The following GLMN variants were observed in gnomAD, a reference collection of about 807,000 sequenced individuals.
The protein encoded by GLMN is glomulin.
Under a neutral mutation model 87.8 loss-of-function variants are expected in GLMN, and 75 were observed. The ratio of observed to expected loss-of-function variants is 0.85; its 90% CI spans 0.71 to 1.04. The LOEUF is 1.04. Among genes scored for constraint, GLMN ranks in the 50% least tolerant of loss-of-function variants. The pLI is 0.00. For missense variants in GLMN, 588 were observed against 658.8 expected, an observed-to-expected ratio of 0.89 and a Z score of 1.18; for synonymous variants, 206 against 221.6, an observed-to-expected ratio of 0.93 and a Z score of 0.63.
the GLMN span, among the ~76,000 whole-genome samples, chr1:92,331,351 C>T: frequency 6.6e-6 from 1 of 152,120 alleles, no homozygotes; most frequent in Non-Finnish European, 1.5e-5. Flanking sequence ...AATTGGTATA[C>T]AGTATTTGGG....
At chr1:92,339,215 C>T in the GLMN span, among the ~76,000 whole-genome samples, 1 of 152,034 alleles carries the variant, frequency 6.6e-6, no homozygotes, top group South Asian at 2.1e-4. Flanking sequence ...AAATGTTAGG[C>T]TACCCCAGAT....
chr1:92,283,683 T>C (rs1032302310), intron 7 of GLMN, among the ~76,000 whole-genome samples: 2 of 152,156 alleles, frequency 1.3e-5, no homozygotes, highest in Non-Finnish European at 2.9e-5. Flanking sequence ...TCAAATTGTC[T>C]CTGTTTGCAG....
rs190762091 is a variant in GLMN, at chr1:92,292,559, C to T, written c.166-1022G>A. On this transcript the variant is annotated intron_variant, in intron 3 of 18. Transcript: ENST00000370360. ...CCAAGTAGCTGGGGCTACAGGCACCCGCCACCATGCCTGGCTAATTTTTTG... is the reference window on the plus strand; with the variant it reads ...CCAAGTAGCTGGGGCTACAGGCACCTGCCACCATGCCTGGCTAATTTTTTG... Among the ~76,000 whole-genome samples, 385 of 150,196 alleles carry T rather than the reference C, an allele frequency of 2.6e-3. 3 individuals are homozygous for T. The highest frequency in any genetic ancestry group is 9.7e-3 in the South Asian group (46 of 4,732).
chr1:92,343,655 C>T, the GLMN span, among the ~76,000 whole-genome samples: 10 of 152,226 alleles, frequency 6.6e-5, no homozygotes, highest in South Asian at 1.7e-3. Context: ...TGCCTACTGA[C>T]GGCCAGCCAC....
In GLMN at chr1:92,271,439, T is replaced by C. The variant is rs767688250; in HGVS notation, c.923+26A>G. 1.9e-6 allele frequency: 3 copies of C among 1,562,012 alleles called. No individual in the cohort carries two copies. The African/African-American group carries it at 4.1e-5, about 21-fold the overall frequency. ...TTTATGAAATTCCTTTTAGAATACA[T>C]GAATAAACCAAACACTAACTCTTAC... is the stretch of plus-strand genomic sequence containing the variant. On this transcript the variant is annotated intron_variant, in intron 8 of 18. Transcript: ENST00000370360.
chr1:92,320,047 C>T, the GLMN span, among the ~76,000 whole-genome samples: 1 of 151,488 alleles, frequency 6.6e-6, no homozygotes, highest in East Asian at 1.9e-4. Context: ...GGTAATGGTT[C>T]TAGTAGTAGG....
chr1:92,299,856 AC>A (rs200808917), upstream of GLMN, among the ~76,000 whole-genome samples: 1,020 of 152,278 alleles, frequency 6.7e-3, 18 homozygotes, highest in Admixed American at 0.031. Flanking sequence ...TGTAGACCTG[AC>A]CTACTGCCAC....
chr1:92,291,999 T>C (rs1445341023), intron 3 of GLMN, among the ~76,000 whole-genome samples: 5 of 152,232 alleles, frequency 3.3e-5, no homozygotes, highest in African/African-American at 4.8e-5. Context: ...CTCTCCTACA[T>C]ACAAGTGGCT....
chr1:92,266,167 T>TTAGAG (rs1655609748), intron 13 of GLMN, among the ~76,000 whole-genome samples: 1 of 152,190 alleles, frequency 6.6e-6, no homozygotes, highest in Non-Finnish European at 1.5e-5. Flanking sequence ...TATTTCAAAT[T>TTAGAG]TAGAGTATTC....
intron 16 of GLMN, among the ~76,000 whole-genome samples, chr1:92,262,210 A>G (rs1655139143): frequency 6.6e-6 from 1 of 152,210 alleles, no homozygotes; most frequent in African/African-American, 2.4e-5. Context: ...CCAATTAACA[A>G]CACATGATTC....
chr1:92,265,619 A>T (rs1335022078), intron 13 of GLMN, among the ~76,000 whole-genome samples: 4 of 152,036 alleles, frequency 2.6e-5, no homozygotes, highest in Non-Finnish European at 5.9e-5. Context: ...CCACAAAAAA[A>T]TTAGCTGGGC....
At chr1:92,267,749 T>C (rs1285008428) in intron 11 of GLMN, among the ~76,000 whole-genome samples, 164 bp downstream of exon 11, 1 of 152,040 alleles carries the variant, frequency 6.6e-6, no homozygotes, top group Non-Finnish European at 1.5e-5. Flanking sequence ...AGTGTTCAGT[T>C]TGGCTAGTGG....
At position 92,266,318 on chromosome 1, in the gene GLMN, T is replaced by C. The variant is rs1199144993; in HGVS notation, c.1214+101A>G. 5.4e-6 allele frequency: 4 copies of C among 737,386 alleles called. No individual in the cohort carries two copies. In the East Asian group the frequency reaches 1.0e-4, roughly 19 times the overall value. 45.7% of individuals were successfully genotyped at this position (737,386 alleles called of 1,614,324 possible). ...GGGTTCCAACCAGAGTTGAATTACATGTAAAACATACCGACATACTATGCC... is the reference window on the plus strand; with the variant it reads ...GGGTTCCAACCAGAGTTGAATTACACGTAAAACATACCGACATACTATGCC... On this transcript the variant is annotated intron_variant, in intron 13 of 18. Transcript: ENST00000370360.
the GLMN span, among the ~76,000 whole-genome samples, chr1:92,315,476 A>C: frequency 5.3e-5 from 8 of 152,262 alleles, no homozygotes; most frequent in Non-Finnish European, 1.2e-4. Flanking sequence ...TGGCAGACAC[A>C]GTTACCACAA....
At chr1:92,288,339 C>T (rs1283690910) in intron 6 of GLMN, among the ~76,000 whole-genome samples, 1 of 152,060 alleles carries the variant, frequency 6.6e-6, no homozygotes, top group African/African-American at 2.4e-5. Flanking sequence ...TATCTATTTC[C>T]CCCACTTTCA....
chr1:92,326,736 G>A, the GLMN span, among the ~76,000 whole-genome samples: 1 of 152,184 alleles, frequency 6.6e-6, no homozygotes, highest in Non-Finnish European at 1.5e-5. Flanking sequence ...GGGAAGTGGG[G>A]GAAAGCTGGT....
upstream of GLMN, among the ~76,000 whole-genome samples, chr1:92,299,737 A>G (rs1650666383): frequency 6.6e-6 from 1 of 152,196 alleles, no homozygotes; most frequent in South Asian, 2.1e-4. Flanking sequence ...CTCCCTTCCT[A>G]TTTCATTTTG....
At chr1:92,291,596 G>A (rs1212068615) in intron 3 of GLMN, 59 bp from the exon 4 acceptor site, 33 of 1,552,334 alleles carry the variant, frequency 2.1e-5, no homozygotes, top group Non-Finnish European at 2.8e-5. Context: ...CTCGCAGTGT[G>A]CTTTCCTATC....
At chr1:92,357,789 C>T in the GLMN span, among the ~76,000 whole-genome samples, 1 of 152,272 alleles carries the variant, frequency 6.6e-6, no homozygotes, top group African/African-American at 2.4e-5. Context: ...GCCTTGGCCT[C>T]CCAAAGTGTT....
Sources: gnomAD v4.1 joint callset for allele counts (sites outside exome capture counted in the v4.1 genomes callset) on GRCh38, gnomAD v4.1.1 for gene constraint, MANE v1.5 for transcripts, NCBI Gene and HGNC (gene_info 2026-07-23, HGNC 2026-07-21) for gene names.